CCDC148: variants seen among roughly 807,000 people sequenced by gnomAD.
CCDC148 encodes coiled-coil domain-containing protein 148.
A neutral mutation model predicts 85.7 loss-of-function variants in CCDC148; 89 were observed. The observed-to-expected ratio is 1.04, with a 90% CI of 0.87 to 1.24. The LOEUF is 1.24. CCDC148 is among the 50% of genes most tolerant of loss of function. The pLI is 0.00. For synonymous variants in CCDC148, 230 were observed against 213.9 expected, an observed-to-expected ratio of 1.08 and a Z score of -0.66; for missense variants, 692 against 671.7, an observed-to-expected ratio of 1.03 and a Z score of -0.33.
At chr2:158,406,626 T>TTTTTTTTG (rs1317426391) in intron 1 of CCDC148, among the ~76,000 whole-genome samples, 8 of 29,816 alleles carry the variant, frequency 2.7e-4, no homozygotes, top group Admixed American at 5.2e-4. Flanking sequence ...TTTTTTTTTT[T>TTTTTTTTG]TTTTTTTTTT....
chr2:158,258,282 T>G (rs1424106865), intron 9 of CCDC148, among the ~76,000 whole-genome samples: 1 of 151,868 alleles, frequency 6.6e-6, no homozygotes, highest in Non-Finnish European at 1.5e-5. Context: ...ATCAGAAAGC[T>G]CTCTATAATC....
chr2:158,325,947 T>C (rs1037774385), intron 7 of CCDC148, among the ~76,000 whole-genome samples: 1 of 152,140 alleles, frequency 6.6e-6, no homozygotes, highest in Non-Finnish European at 1.5e-5. Flanking sequence ...CCCCACAGTT[T>C]ATCTTAAACA....
chr2:158,340,723 T>G, intron 3 of CCDC148, 43 bp from the exon 4 acceptor site: 1 of 1,140,230 alleles, frequency 8.8e-7, no homozygotes, highest in Non-Finnish European at 1.3e-6. Context: ...ATCATAAACA[T>G]ACATCTAGGT....
intron 11 of CCDC148, among the ~76,000 whole-genome samples, chr2:158,206,455 C>G (rs1686250794): frequency 6.6e-6 from 1 of 152,198 alleles, no homozygotes. Context: ...TACACATGCA[C>G]TGGTCCAGAC....
At chr2:158,226,132 T>A (rs368483573) in intron 10 of CCDC148, among the ~76,000 whole-genome samples, 1 of 152,032 alleles carries the variant, frequency 6.6e-6, no homozygotes, top group Non-Finnish European at 1.5e-5. Context: ...TATCACCACC[T>A]ATCCCACAGA....
intron 10 of CCDC148, among the ~76,000 whole-genome samples, chr2:158,226,962 C>T (rs1687574400): frequency 6.6e-6 from 1 of 152,110 alleles, no homozygotes; most frequent in Non-Finnish European, 1.5e-5. Flanking sequence ...CAAGGGCAAT[C>T]AGGCAGGAGA....
chr2:158,340,182 T>C, intron 5 of CCDC148, 60 bp downstream of exon 5: 1 of 1,503,478 alleles, frequency 6.7e-7, no homozygotes, highest in South Asian at 1.2e-5. Context: ...TATCTCAAAC[T>C]CTTCTAGTTG....
At chr2:158,358,379 A>G (rs1168055408) in intron 2 of CCDC148, 70 bp downstream of exon 2, 11 of 1,525,430 alleles carry the variant, frequency 7.2e-6, no homozygotes, top group Middle Eastern at 1.7e-4. Context: ...TTTCACATTG[A>G]CAATGTAAAT....
intron 11 of CCDC148, among the ~76,000 whole-genome samples, chr2:158,209,103 T>C (rs1324490081): frequency 6.6e-6 from 1 of 151,612 alleles, no homozygotes; most frequent in South Asian, 2.1e-4. Flanking sequence ...TGTATGTATA[T>C]ATATAAATAA....
At chr2:158,448,851 G>A (rs573607235) in intron 1 of CCDC148, among the ~76,000 whole-genome samples, 10 of 151,798 alleles carry the variant, frequency 6.6e-5, no homozygotes, top group South Asian at 2.1e-4. Context: ...TTTCTGAGAC[G>A]GAGTCTTGCT....
At position 158,223,519 on chromosome 2, in the gene CCDC148, C is replaced by A. The variant is rs1354354241; in HGVS notation, c.1252-2806G>T. On this transcript the variant is annotated intron_variant, in intron 10 of 13. Transcript: ENST00000283233. ...GGAGATCTGAGAACGGACTGACTGC[C>A]TCCTCAAGTGGGTCCCTGACCCCCC... is the stretch of plus-strand genomic sequence containing the variant. Among the ~76,000 whole-genome samples, 5 of 152,218 alleles carry A rather than the reference C, an allele frequency of 3.3e-5. 1 individual carries two copies. The highest frequency in any genetic ancestry group is 7.3e-5 in the Non-Finnish European group (5 of 68,042).
intron 10 of CCDC148, among the ~76,000 whole-genome samples, chr2:158,234,192 C>T (rs1687990992): frequency 6.6e-6 from 1 of 151,826 alleles, no homozygotes; most frequent in Non-Finnish European, 1.5e-5. Flanking sequence ...AAAAAATTGA[C>T]TTCAAAAGAA....
intron 2 of CCDC148, among the ~76,000 whole-genome samples, chr2:158,351,990 T>C (rs1440930252): frequency 0.013 from 1,868 of 138,988 alleles, 29 homozygotes; most frequent in African/African-American, 0.042. Context: ...CGGCAGGGTA[T>C]TCCAACAGAC....
intron 10 of CCDC148, among the ~76,000 whole-genome samples, chr2:158,240,452 T>TCTCTCACA (rs941238898): frequency 8.2e-4 from 99 of 120,540 alleles, no homozygotes; most frequent in South Asian, 2.9e-3. Context: ...TCTCTCTCTC[T>TCTCTCACA]CACACACACA....
At chr2:158,437,124 T>G (rs559297355) in intron 1 of CCDC148, among the ~76,000 whole-genome samples, 38 of 152,340 alleles carry the variant, frequency 2.5e-4, no homozygotes, top group African/African-American at 9.1e-4. Context: ...CTAACTCATT[T>G]TATGAGGCCA....
chr2:158,173,208 G>A (rs1161868882), intron 13 of CCDC148, among the ~76,000 whole-genome samples: 1 of 151,988 alleles, frequency 6.6e-6, no homozygotes, highest in Non-Finnish European at 1.5e-5. Flanking sequence ...GACTGGGGAG[G>A]AAGAGAGACC....
intron 9 of CCDC148, among the ~76,000 whole-genome samples, chr2:158,285,280 C>T (rs1182545211): frequency 1.5e-5 from 2 of 132,314 alleles, no homozygotes; most frequent in South Asian, 2.4e-4. Flanking sequence ...AGGAGTAAAA[C>T]TCCATTTCAA....
chr2:158,430,059 G>A (rs1326428092), intron 1 of CCDC148, among the ~76,000 whole-genome samples: 1 of 152,214 alleles, frequency 6.6e-6, no homozygotes, highest in Non-Finnish European at 1.5e-5. Flanking sequence ...GCTGAATACT[G>A]AGAGGTGTGT....
rs142942951 is a variant in CCDC148, at chr2:158,376,099, T to A, written c.26-17529A>T. 3.2e-3 allele frequency among the ~76,000 whole-genome samples: 493 copies of A among 152,218 alleles called. 1 individual carries two copies. Among genetic ancestry groups the A allele is most frequent in the Admixed American group, 4.9e-3 (75 of 15,250 alleles). On this transcript the variant is annotated intron_variant, in intron 1 of 13. Transcript: ENST00000283233. ...GTACATAAAGCAGTATAAAAATTGT[T>A]CTAGAAAAACACCTATCAATATAGA...
Sources: allele counts gnomAD v4.1 joint callset (sites outside exome capture counted in the v4.1 genomes callset), GRCh38; gene constraint gnomAD v4.1.1; transcripts MANE v1.5; gene names NCBI Gene and HGNC (gene_info 2026-07-23, HGNC 2026-07-21).